UNC80: variants seen among roughly 807,000 people sequenced by gnomAD.
The protein encoded by UNC80 is protein unc-80 homolog.
UNC80 carries 164 observed loss-of-function variants against 384.6 expected under a neutral mutation model. The ratio of observed to expected loss-of-function variants is 0.43; its 90% CI spans 0.38 to 0.49. The LOEUF is 0.49. Ranked by LOEUF, UNC80 falls within the 20% of genes least tolerant of loss-of-function variation. The pLI is 0.00. For synonymous variants in UNC80, 1,486 were observed against 1,527.8 expected (o/e 0.97, Z 0.64); for missense variants, 3,330 against 4,143.0 (o/e 0.80, Z 5.39).
At chr2:209,911,821 C>G (rs977470433) in intron 29 of UNC80, among the ~76,000 whole-genome samples, 1 of 152,158 alleles carries the variant, frequency 6.6e-6, no homozygotes, top group Non-Finnish European at 1.5e-5. Context: ...CAGTCCTTCT[C>G]CCAGCTGCAT....
chr2:209,955,761 A>T (rs907871404), intron 48 of UNC80, among the ~76,000 whole-genome samples: 3 of 118,104 alleles, frequency 2.5e-5, no homozygotes, highest in African/African-American at 1.0e-4. Flanking sequence ...ACACACACAG[A>T]GAGAGACTGA....
intron 22 of UNC80, among the ~76,000 whole-genome samples, chr2:209,858,578 C>T (rs2083108703): frequency 6.6e-6 from 1 of 151,746 alleles, no homozygotes; most frequent in South Asian, 2.1e-4. Flanking sequence ...CCTGTAATCC[C>T]AGCTTCTTGG....
rs956836386 is a variant in UNC80 at position 209,979,192 on chromosome 2, T to G, written c.9118+484T>G. ...TGAACCCGGGAGGCAGAGGTTGCAG[T>G]GAGCCAAGATCGCGCCAATGCACTC... On this transcript the variant is annotated intron_variant, in intron 59 of 64. Transcript: ENST00000673920. Among the ~76,000 whole-genome samples the G allele has an allele frequency of 3.3e-5, 5 of 152,210 alleles. No homozygotes were observed. In the South Asian group the frequency reaches 8.3e-4, roughly 25 times the overall value.
At chr2:209,933,335 C>T (rs901889690) in intron 38 of UNC80, among the ~76,000 whole-genome samples, 6 of 152,008 alleles carry the variant, frequency 3.9e-5, no homozygotes, top group Non-Finnish European at 8.8e-5. Context: ...AACCTCATGA[C>T]ACACATTTAC....
intron 7 of UNC80, among the ~76,000 whole-genome samples, chr2:209,805,810 T>C (rs2078861184): frequency 6.6e-6 from 1 of 152,244 alleles, no homozygotes; most frequent in Non-Finnish European, 1.5e-5. Flanking sequence ...CCATCAATTC[T>C]GCTATACTCT....
At chr2:209,811,516 T>C (rs903890527) in intron 7 of UNC80, among the ~76,000 whole-genome samples, 2 of 152,110 alleles carry the variant, frequency 1.3e-5, no homozygotes, top group African/African-American at 4.8e-5. Flanking sequence ...TGAGAAGTGG[T>C]TGGAAGGAGA....
intron 22 of UNC80, among the ~76,000 whole-genome samples, chr2:209,858,010 T>C (rs765100064): frequency 7.2e-5 from 11 of 152,202 alleles, no homozygotes; most frequent in Non-Finnish European, 1.0e-4. Context: ...AACACAGTGA[T>C]TGATATACGT....
At chr2:209,862,994 G>A (rs2083451959) in intron 22 of UNC80, among the ~76,000 whole-genome samples, 2 of 152,054 alleles carry the variant, frequency 1.3e-5, no homozygotes, top group African/African-American at 4.8e-5. Flanking sequence ...TCCATATTTA[G>A]TGCTTCTTTC....
intron 7 of UNC80, among the ~76,000 whole-genome samples, chr2:209,799,086 T>G (rs1490931308): frequency 3.2e-3 from 1 of 308 alleles, no homozygotes; most frequent in African/African-American, 3.3e-3. Context: ...AAAATAAGTG[T>G]TTTTTTTTTT....
intron 38 of UNC80, among the ~76,000 whole-genome samples, chr2:209,932,319 C>A (rs944945112): frequency 6.6e-6 from 1 of 152,158 alleles, no homozygotes; most frequent in Non-Finnish European, 1.5e-5. Context: ...AGCCAAGCAT[C>A]CACTACTTCT....
rs1166992346 is a variant in UNC80 at position 209,997,253 on chromosome 2, C to T, written c.*1658C>T. ...AGAAAATTGAGGCAGTAAATGACCT[C>T]TTTTACTCTTTTATGTTTTACAATA... is the stretch of plus-strand genomic sequence containing the variant. On this transcript the variant is annotated 3_prime_UTR_variant, in exon 65 of 65. Transcript: ENST00000673920. 7 of 152,070 alleles carry T rather than the reference C, an allele frequency of 4.6e-5. No individual in the cohort carries two copies. The highest frequency in any genetic ancestry group is 1.5e-5 in the Non-Finnish European group (1 of 67,994). 9.4% of individuals were successfully genotyped at this position (152,070 alleles called of 1,614,324 possible). A position where few individuals can be genotyped will look rare whatever the true frequency, so the allele number is the denominator to read the frequency against.
chr2:209,831,087 A>G (rs1187664122), intron 15 of UNC80, among the ~76,000 whole-genome samples: 1 of 151,752 alleles, frequency 6.6e-6, no homozygotes, highest in African/African-American at 2.4e-5. Flanking sequence ...GGGGTTATTT[A>G]GGAGCTTTTT....
At chr2:209,983,631 T>A (rs978482883) in intron 60 of UNC80, among the ~76,000 whole-genome samples, 1 of 152,198 alleles carries the variant, frequency 6.6e-6, no homozygotes, top group South Asian at 2.1e-4. Context: ...AGAATATTTT[T>A]AAAAATCAAT....
At chr2:209,939,718 A>T (rs1415188411) in intron 43 of UNC80, 66 bp downstream of exon 43, 2 of 1,377,002 alleles carry the variant, frequency 1.5e-6, no homozygotes, top group African/African-American at 1.5e-5. Flanking sequence ...TTTTTTTAAA[A>T]TTTTATTATT....
chr2:209,826,987 CATCT>C (rs567993337), intron 14 of UNC80, among the ~76,000 whole-genome samples: 7 of 152,090 alleles, frequency 4.6e-5, no homozygotes, highest in South Asian at 2.1e-4. Flanking sequence ...CATCATCTCT[CATCT>C]ATCTATCTAT....
Position 209,871,984 on chromosome 2 carries a change from G to T in UNC80, c.3628-774G>T, listed in dbSNP as rs185150561. On this transcript the variant is annotated intron_variant, in intron 22 of 64. Coordinates refer to ENST00000673920, the MANE Select transcript of UNC80 (RefSeq NM_001371986.1). The stretch of plus-strand genomic sequence containing the variant: ...ATTTATGACAAAATAAAAAAAAAAA[G>T]ACTAACTCAGCAAGATTGAGCTTCC... 2.0e-3 allele frequency among the ~76,000 whole-genome samples: 305 copies of T among 150,944 alleles called. 2 individuals are homozygous for T. Among genetic ancestry groups the T allele is most frequent in the African/African-American group, 7.2e-3 (295 of 41,168 alleles).
intron 22 of UNC80, among the ~76,000 whole-genome samples, chr2:209,858,202 A>G (rs2083077529): frequency 6.6e-6 from 1 of 152,178 alleles, no homozygotes; most frequent in Non-Finnish European, 1.5e-5. Context: ...GTTTAGAAAT[A>G]TTACGATTTC....
rs1373420346 is a variant in UNC80, at chr2:209,919,489, AG to A, written c.5343+827del. ...TTGTCCTTATAGAATAGAATTGAAA[AG>A]TATCTTATTAACTAGTGTTATTATT... On this transcript the variant is annotated intron_variant, in intron 33 of 64. Coordinates refer to ENST00000673920, the MANE Select transcript of UNC80 (RefSeq NM_001371986.1). 5.3e-5 allele frequency among the ~76,000 whole-genome samples: 8 copies of A among 152,204 alleles called. No homozygotes were observed. In the East Asian group the frequency reaches 1.5e-3, roughly 29 times the overall value.
rs1048796249 is a variant in UNC80 at position 209,998,226 on chromosome 2, A to G, written c.*2631A>G. The G allele has an allele frequency of 6.6e-6, 1 of 152,272 alleles. No homozygotes were observed. Among genetic ancestry groups the G allele is most frequent in the African/African-American group, 2.4e-5 (1 of 41,478 alleles). The allele number at this position is 152,272 out of a possible 1,614,324, so 9.4% of individuals were successfully genotyped here. On this transcript the variant is annotated 3_prime_UTR_variant, in exon 65 of 65. Coordinates refer to ENST00000673920, the MANE Select transcript of UNC80 (RefSeq NM_001371986.1). ...CCTTGGAATAAACCATGTGTTATCCATGATAGTATGACTCAGATCCAATTA... is the reference window on the plus strand; with the variant it reads ...CCTTGGAATAAACCATGTGTTATCCGTGATAGTATGACTCAGATCCAATTA...
Sources: allele counts gnomAD v4.1 joint callset (sites outside exome capture counted in the v4.1 genomes callset), GRCh38; gene constraint gnomAD v4.1.1; transcripts MANE v1.5; gene names NCBI Gene and HGNC (gene_info 2026-07-23, HGNC 2026-07-21).